The following FHIT variants were observed in gnomAD, a reference collection of about 807,000 sequenced individuals.
FHIT encodes bis(5'-adenosyl)-triphosphatase.
In FHIT, 19 loss-of-function variants were observed where a neutral mutation model predicts 17.9. The observed-to-expected ratio is 1.06, with a 90% CI of 0.74 to 1.56. The LOEUF (loss-of-function observed/expected upper bound fraction) is 1.56. Among genes scored for constraint, FHIT ranks in the 40% most tolerant of loss-of-function variants. The pLI, the probability that FHIT is intolerant of heterozygous loss-of-function variation, is 0.00. For synonymous variants in FHIT, 81 were observed against 69.7 expected (o/e 1.16, Z -0.81); for missense variants, 248 against 189.2 (o/e 1.31, Z -1.82).
intron 5 of FHIT, among the ~76,000 whole-genome samples, chr3:60,228,035 C>T (rs914965094): frequency 6.6e-6 from 1 of 152,128 alleles, no homozygotes; most frequent in Admixed American, 6.5e-5. Flanking sequence ...CTTTTTCCTC[C>T]AAGCCTCTTG....
chr3:59,907,330 T>C (rs1180827284), intron 8 of FHIT, among the ~76,000 whole-genome samples: 1 of 152,238 alleles, frequency 6.6e-6, no homozygotes, highest in Non-Finnish European at 1.5e-5. Context: ...AAGTAATCAC[T>C]GGTGTGCCAT....
At chr3:60,987,147 A>T (rs1263164731) in intron 3 of FHIT, among the ~76,000 whole-genome samples, 1 of 152,246 alleles carries the variant, frequency 6.6e-6, no homozygotes, top group African/African-American at 2.4e-5. Context: ...GGCAGAACTT[A>T]AAACATGATA....
intron 7 of FHIT, among the ~76,000 whole-genome samples, chr3:59,987,227 T>G (rs1006787668): frequency 2.7e-5 from 4 of 150,488 alleles, no homozygotes; most frequent in Non-Finnish European, 5.9e-5. Flanking sequence ...TATTTAGGAC[T>G]GCTTTTCCTG....
chr3:60,284,824 C>T (rs564886347), intron 5 of FHIT, among the ~76,000 whole-genome samples: 203 of 152,138 alleles, frequency 1.3e-3, no homozygotes, highest in African/African-American at 4.6e-3. Flanking sequence ...GTGTATGTGG[C>T]GTGTCTGTTC....
At chr3:60,703,551 C>G (rs1200200751) in intron 4 of FHIT, among the ~76,000 whole-genome samples, 7 of 152,054 alleles carry the variant, frequency 4.6e-5, no homozygotes, top group African/African-American at 1.7e-4. Context: ...CAGATAGATA[C>G]AAGTTGCTAT....
intron 7 of FHIT, among the ~76,000 whole-genome samples, chr3:59,960,819 A>G (rs866443425): frequency 6.6e-6 from 1 of 152,174 alleles, no homozygotes; most frequent in Non-Finnish European, 1.5e-5. Context: ...GTTTTATACT[A>G]TGTATCCCTA....
At chr3:60,470,954 C>T (rs1262035599) in intron 5 of FHIT, among the ~76,000 whole-genome samples, 1 of 152,152 alleles carries the variant, frequency 6.6e-6, no homozygotes, top group Non-Finnish European at 1.5e-5. Context: ...CTGAGTCCCT[C>T]CCTTCATTCA....
chr3:60,842,805 C>T (rs782228409), intron 3 of FHIT, among the ~76,000 whole-genome samples: 11 of 151,724 alleles, frequency 7.3e-5, no homozygotes, highest in Non-Finnish European at 1.3e-4. Context: ...TACACACAGT[C>T]CTGTGGTTTA....
chr3:60,018,282 A>G (rs1314270418), intron 5 of FHIT, among the ~76,000 whole-genome samples: 4 of 152,204 alleles, frequency 2.6e-5, no homozygotes, highest in Non-Finnish European at 5.9e-5. Context: ...TGGTTACCAC[A>G]AAGATGACAT....
chr3:59,986,530 T>TACAC (rs1559523573), intron 7 of FHIT, among the ~76,000 whole-genome samples: 2 of 4,468 alleles, frequency 4.5e-4, no homozygotes, highest in African/African-American at 1.2e-3. Flanking sequence ...TATATATATA[T>TACAC]ATATATATAT....
chr3:60,632,787 A>G (rs1242162212), intron 4 of FHIT, among the ~76,000 whole-genome samples: 1 of 152,222 alleles, frequency 6.6e-6, no homozygotes, highest in Non-Finnish European at 1.5e-5. Context: ...GGGTTAAAAA[A>G]AACTAAAGTT....
chr3:60,258,865 T>G (rs559808294), intron 5 of FHIT, among the ~76,000 whole-genome samples: 2 of 152,232 alleles, frequency 1.3e-5, no homozygotes, highest in East Asian at 3.9e-4. Flanking sequence ...AAATCTTCTT[T>G]GTGTCCCTGT....
chr3:60,775,650 G>A (rs1700194461), intron 4 of FHIT, among the ~76,000 whole-genome samples: 1 of 152,206 alleles, frequency 6.6e-6, no homozygotes. Flanking sequence ...GGGGACTCGA[G>A]AAGGGGTAAG....
intron 7 of FHIT, among the ~76,000 whole-genome samples, chr3:60,009,368 CAG>C (rs1435336719): frequency 4.6e-5 from 7 of 152,194 alleles, no homozygotes; most frequent in South Asian, 2.1e-4. Context: ...ATTTAAAAAA[CAG>C]AATCGTTTTA....
chr3:60,545,245 G>C (rs1054433839), intron 4 of FHIT, among the ~76,000 whole-genome samples: 1 of 151,962 alleles, frequency 6.6e-6, no homozygotes, highest in Non-Finnish European at 1.5e-5. Flanking sequence ...CATGGTACAT[G>C]GAGATGTTTT....
intron 4 of FHIT, among the ~76,000 whole-genome samples, chr3:60,544,359 T>A (rs1052914518): frequency 4.0e-4 from 61 of 151,870 alleles, no homozygotes; most frequent in East Asian, 1.5e-3. Context: ...TACCTTTTTT[T>A]AAAAAAAATT....
At chr3:61,187,886 G>C (rs947976259) in intron 2 of FHIT, among the ~76,000 whole-genome samples, 1 of 152,162 alleles carries the variant, frequency 6.6e-6, no homozygotes, top group Non-Finnish European at 1.5e-5. Context: ...AAACCAATGA[G>C]AACAAAGACA....
chr3:60,354,875 A>T (rs1412693313), intron 5 of FHIT, among the ~76,000 whole-genome samples: 2 of 152,120 alleles, frequency 1.3e-5, no homozygotes, highest in Admixed American at 1.3e-4. Flanking sequence ...TGAGGACAGG[A>T]CTGGCTAAGC....
chr3:60,430,128 C>T (rs73096259), intron 5 of FHIT, among the ~76,000 whole-genome samples: 15,188 of 151,948 alleles, frequency 0.1, 1,242 homozygotes, highest in East Asian at 0.38. Flanking sequence ...CGTCTTCTGA[C>T]CTGCAGATTT....
Sources: allele counts gnomAD v4.1 joint callset (sites outside exome capture counted in the v4.1 genomes callset), GRCh38; gene constraint gnomAD v4.1.1; transcripts MANE v1.5; gene names NCBI Gene and HGNC (gene_info 2026-07-23, HGNC 2026-07-21).